PIGL: variants seen among roughly 807,000 people sequenced by gnomAD.
The protein encoded by PIGL is N-acetylglucosaminyl-phosphatidylinositol de-N-acetylase.
A neutral mutation model predicts 31.1 loss-of-function variants in PIGL; 22 were observed. That is an observed-to-expected ratio of 0.71 (90% CI 0.51 to 1.01). The LOEUF is 1.01. Ranked by LOEUF, PIGL falls within the 50% of genes least tolerant of loss-of-function variation. The probability of loss-of-function intolerance (pLI) is 0.00; values close to 1 mark genes in which losing one functional copy is unlikely to be tolerated. For missense variants in PIGL, 302 were observed against 315.9 expected (o/e 0.96, Z 0.33); for synonymous variants, 131 against 117.4 (o/e 1.12, Z -0.75).
chr17:16,237,952 C>T (rs1439405285), intron 2 of PIGL, among the ~76,000 whole-genome samples: 1 of 151,794 alleles, frequency 6.6e-6, no homozygotes, highest in Admixed American at 6.6e-5. Flanking sequence ...AATCCCAGCA[C>T]TTGGGGAGGC....
intron 2 of PIGL, among the ~76,000 whole-genome samples, chr17:16,243,609 G>C (rs561851392): frequency 6.6e-6 from 1 of 152,276 alleles, no homozygotes; most frequent in African/African-American, 2.4e-5. Context: ...CGTAACCTAG[G>C]CAAGTTACTG....
intron 3 of PIGL, among the ~76,000 whole-genome samples, chr17:16,306,938 G>A (rs528807197): frequency 4.5e-4 from 68 of 152,296 alleles, no homozygotes; most frequent in African/African-American, 1.3e-3. Context: ...GGTAAGGCTC[G>A]GCTGCGACTG....
At chr17:16,260,676 A>G (rs970695605) in intron 2 of PIGL, among the ~76,000 whole-genome samples, 1 of 152,128 alleles carries the variant, frequency 6.6e-6, no homozygotes. Flanking sequence ...ACCTGCTTGC[A>G]GAAAGGAGCT....
intron 1 of PIGL, among the ~76,000 whole-genome samples, 166 bp from the exon 2 acceptor site, chr17:16,233,805 C>T (rs1408955863): frequency 1.3e-5 from 2 of 152,036 alleles, no homozygotes; most frequent in Non-Finnish European, 2.9e-5. Flanking sequence ...GTAGTCTTCT[C>T]ACAGGAGTAT....
chr17:16,305,060 G>C (rs2093021026), intron 3 of PIGL, among the ~76,000 whole-genome samples: 3 of 152,116 alleles, frequency 2.0e-5, no homozygotes, highest in Admixed American at 1.3e-4. Flanking sequence ...GCTCAAGCAG[G>C]GGGTGGATTG....
At chr17:16,249,466 C>T (rs764226980) in intron 2 of PIGL, among the ~76,000 whole-genome samples, 5 of 151,826 alleles carry the variant, frequency 3.3e-5, no homozygotes, top group African/African-American at 4.8e-5. Flanking sequence ...GGCAACAGAG[C>T]GACACAAAGA....
intron 2 of PIGL, among the ~76,000 whole-genome samples, chr17:16,271,536 C>CTT (rs775474586): frequency 5.9e-4 from 87 of 146,656 alleles, no homozygotes; most frequent in Middle Eastern, 3.5e-3. Context: ...ACATAGAACA[C>CTT]TTTTTTTTTT....
rs367944546 is a variant in PIGL, at chr17:16,225,555, ATT to A, written c.235+8109_235+8110del. On this transcript the variant is annotated intron_variant, in intron 1 of 6. Coordinates refer to ENST00000225609, the MANE Select transcript of PIGL (RefSeq NM_004278.4). The stretch of plus-strand genomic sequence containing the variant: ...AGTCACCTGCCACCATGCCCGGCTA[ATT>A]TTTTTTTTTTTTTTCAGTAGAGATG... 7.6e-3 allele frequency among the ~76,000 whole-genome samples: 1,049 copies of A among 138,342 alleles called. 9 individuals are homozygous for A. The highest frequency in any genetic ancestry group is 0.025 in the African/African-American group (925 of 37,214). 90.8% of individuals were successfully genotyped at this position (138,342 alleles called of 152,430 possible).
intron 2 of PIGL, among the ~76,000 whole-genome samples, chr17:16,262,175 A>T (rs937304129): frequency 4.6e-5 from 7 of 152,162 alleles, no homozygotes; most frequent in African/African-American, 1.7e-4. Flanking sequence ...GTGAGGCAAG[A>T]TCACACCACT....
At chr17:16,325,361 G>T (rs1195044424) in intron 6 of PIGL, among the ~76,000 whole-genome samples, 1 of 148,148 alleles carries the variant, frequency 6.8e-6, no homozygotes, top group African/African-American at 2.5e-5. Context: ...AAAAAAGAAT[G>T]TGGACTCTAG....
At chr17:16,264,403 C>A (rs2092832764) in intron 2 of PIGL, among the ~76,000 whole-genome samples, 1 of 151,844 alleles carries the variant, frequency 6.6e-6, no homozygotes, top group Non-Finnish European at 1.5e-5. Flanking sequence ...ACCTCGGCCT[C>A]CCAAAGTTCT....
At position 16,321,066 on chromosome 17, in the gene PIGL, T is replaced by A. The variant is rs977281649; in HGVS notation, c.660+3158T>A. Among the ~76,000 whole-genome samples the A allele has an allele frequency of 2.0e-5, 3 of 151,634 alleles. No homozygotes were observed. The Admixed American group carries it at 2.0e-4, about 10-fold the overall frequency. On this transcript the variant is annotated intron_variant, in intron 6 of 6. Transcript: ENST00000225609. ...AATTCTCCTGCCTCAGCCTCTCAAG[T>A]AACTGGGACTACAGGCGCATGCCAC...
At chr17:16,224,948 G>A (rs1447906994) in intron 1 of PIGL, among the ~76,000 whole-genome samples, 1 of 152,196 alleles carries the variant, frequency 6.6e-6, no homozygotes, top group Admixed American at 6.5e-5. Context: ...GAGCCACAGT[G>A]CGTGGCCCTT....
At chr17:16,322,660 A>G (rs1441888899) in intron 6 of PIGL, among the ~76,000 whole-genome samples, 2 of 152,132 alleles carry the variant, frequency 1.3e-5, no homozygotes, top group Non-Finnish European at 2.9e-5. Flanking sequence ...ATATTTATGA[A>G]TGCACCTACT....
At chr17:16,258,268 CT>C (rs987517297) in intron 2 of PIGL, among the ~76,000 whole-genome samples, 1 of 148,202 alleles carries the variant, frequency 6.7e-6, no homozygotes, top group African/African-American at 2.5e-5. Context: ...CAACCTCTGC[CT>C]CCCAGGTTCA....
chr17:16,294,442 C>T (rs995130243), intron 2 of PIGL, among the ~76,000 whole-genome samples: 1 of 152,042 alleles, frequency 6.6e-6, no homozygotes, highest in Non-Finnish European at 1.5e-5. Context: ...CTGTGGTGCC[C>T]CCATGTCCCC....
intron 6 of PIGL, among the ~76,000 whole-genome samples, chr17:16,319,614 G>T (rs986570502): frequency 6.6e-6 from 1 of 152,130 alleles, no homozygotes; most frequent in African/African-American, 2.4e-5. Flanking sequence ...AAGTAGCCGG[G>T]CGTGGTGGTG....
intron 3 of PIGL, among the ~76,000 whole-genome samples, chr17:16,303,452 C>T (rs75331890): frequency 0.047 from 7,174 of 152,120 alleles, 219 homozygotes; most frequent in African/African-American, 0.09. Flanking sequence ...TCAAGTGAGT[C>T]GACTTTTATT....
chr17:16,261,057 T>C (rs958297655), intron 2 of PIGL, among the ~76,000 whole-genome samples: 2 of 150,562 alleles, frequency 1.3e-5, no homozygotes, highest in Non-Finnish European at 2.9e-5. Context: ...AGGCAGAGGT[T>C]GCAGTGAGCC....
Sources: allele counts gnomAD v4.1 joint callset (sites outside exome capture counted in the v4.1 genomes callset), GRCh38; gene constraint gnomAD v4.1.1; transcripts MANE v1.5; gene names NCBI Gene and HGNC (gene_info 2026-07-23, HGNC 2026-07-21).